The following ADGRV1 variants were observed in gnomAD, a reference collection of about 807,000 sequenced individuals.
ADGRV1 encodes G-protein coupled receptor 98.
ADGRV1 carries 359 observed loss-of-function variants against 596.2 expected under a neutral mutation model. That is an observed-to-expected ratio of 0.60 (90% CI 0.55 to 0.66). ADGRV1 has a LOEUF of 0.66. ADGRV1 is among the 30% of genes least tolerant of loss of function. The probability of loss-of-function intolerance (pLI) is 0.00; values close to 1 mark genes in which losing one functional copy is unlikely to be tolerated. For missense variants in ADGRV1, 7,274 were observed against 7,575.6 expected, an observed-to-expected ratio of 0.96 and a Z score of 1.48; for synonymous variants, 2,681 against 2,679.2, an observed-to-expected ratio of 1.00 and a Z score of -0.02.
chr5:90,985,456 T>C lies in ADGRV1; in HGVS notation c.18086T>C (p.Ile6029Thr). 1 of 1,613,824 alleles carries C rather than the reference T, an allele frequency of 6.2e-7. No individual in the cohort carries two copies. Among genetic ancestry groups the C allele is most frequent in the Non-Finnish European group, 8.5e-7 (1 of 1,179,764 alleles). ...GLPAFVVILL[I>T]VILKGIYHQS... ...CCAGCTTTTGTGGTGATTCTCCTCATAGTTATTTTGAAAGGAATCTATCAT... is the reference window on the plus strand; with the variant it reads ...CCAGCTTTTGTGGTGATTCTCCTCACAGTTATTTTGAAAGGAATCTATCAT... Residue 6029 changes from isoleucine (I) to threonine (T), a missense_variant, in exon 85 of 90, where the codon ATA (isoleucine) becomes ACA (threonine). Ile to Thr is a moderately conservative substitution (Grantham distance 89). Transcript: ENST00000405460.
At chr5:90,565,160 G>A (rs1236390490) in intron 1 of ADGRV1, among the ~76,000 whole-genome samples, 1 of 151,968 alleles carries the variant, frequency 6.6e-6, no homozygotes, top group African/African-American at 2.4e-5. Context: ...TCGTTTGAAC[G>A]CGGGAGACAG....
rs368860179 is a variant in ADGRV1, at chr5:90,829,148, G to A, written c.16573G>A (p.Gly5525Arg). Residue 5525 changes from glycine to arginine, a missense_variant, in exon 77 of 90, where the codon GGG becomes AGG. By Grantham distance (125) the Gly-to-Arg change is moderately radical. Coordinates refer to ENST00000405460, the MANE Select transcript of ADGRV1 (RefSeq NM_032119.4). ...LISLQVARDS[G>R]TGLMMSVNFS... ...CAGTCTGCAGGTGGCCAGAGATTCT[G>A]GGACAGGACTAATGATGTCTGTTAA... 1.0e-5 allele frequency: 16 copies of A among 1,598,248 alleles called. No homozygotes were observed. In the African/African-American group the frequency reaches 2.1e-4, roughly 21 times the overall value.
chr5:91,110,637 A>G (rs1381756087), intron 87 of ADGRV1, among the ~76,000 whole-genome samples: 7 of 152,304 alleles, frequency 4.6e-5, no homozygotes. Flanking sequence ...TCTCACATGT[A>G]GAGAGAATCC....
intron 83 of ADGRV1, among the ~76,000 whole-genome samples, chr5:90,885,039 C>A (rs977459540): frequency 2.6e-5 from 4 of 152,076 alleles, no homozygotes; most frequent in Non-Finnish European, 5.9e-5. Flanking sequence ...TTCCCATGGA[C>A]CATGCAGCCC....
chr5:90,809,418 T>C (rs993851941), intron 73 of ADGRV1, among the ~76,000 whole-genome samples: 2 of 151,986 alleles, frequency 1.3e-5, no homozygotes, highest in Non-Finnish European at 2.9e-5. Flanking sequence ...ATAGATAGAT[T>C]ATGCGATAAA....
intron 84 of ADGRV1, among the ~76,000 whole-genome samples, chr5:90,976,387 A>G (rs934796480): frequency 2.3e-4 from 34 of 146,462 alleles, no homozygotes; most frequent in African/African-American, 8.5e-4. Flanking sequence ...TTTACCATGC[A>G]TGGGTATACC....
At chr5:91,140,861 A>T (rs1341704979) in intron 87 of ADGRV1, among the ~76,000 whole-genome samples, 1 of 152,242 alleles carries the variant, frequency 6.6e-6, no homozygotes, top group Non-Finnish European at 1.5e-5. Context: ...TAACAGAATC[A>T]TGAAGAACAC....
intron 85 of ADGRV1, among the ~76,000 whole-genome samples, chr5:91,047,409 G>A (rs1785928771): frequency 6.6e-6 from 1 of 152,140 alleles, no homozygotes; most frequent in Admixed American, 6.5e-5. Flanking sequence ...AAGCTGAGGA[G>A]CAACGAAGCC....
chr5:90,790,806 A>G, intron 69 of ADGRV1, 67 bp from the exon 70 acceptor site: 1 of 1,046,036 alleles, frequency 9.6e-7, no homozygotes, highest in Non-Finnish European at 1.4e-6. Context: ...GAAAAACATA[A>G]TTTAAGGGAA....
chr5:90,624,058 A>G (rs1764427990), intron 5 of ADGRV1, among the ~76,000 whole-genome samples: 1 of 152,226 alleles, frequency 6.6e-6, no homozygotes, highest in Admixed American at 6.5e-5. Context: ...ATATCAATAA[A>G]ATGGAAGCAT....
In ADGRV1 at chr5:90,690,790, C is replaced by T; in HGVS notation, c.6707-7C>T. On this transcript the variant is annotated splice_polypyrimidine_tract_variant and splice_region_variant and intron_variant, in intron 30 of 89. Coordinates refer to ENST00000405460, the MANE Select transcript of ADGRV1 (RefSeq NM_032119.4). ...TTGAAATGAACTCTGCTCTGTCTACCCTTCAGGTTTTCAGATTACTAAACT... is the reference window on the plus strand; with the variant it reads ...TTGAAATGAACTCTGCTCTGTCTACTCTTCAGGTTTTCAGATTACTAAACT... 2 of 1,588,810 alleles carry T rather than the reference C, an allele frequency of 1.3e-6. No homozygotes were observed. The highest frequency in any genetic ancestry group is 1.8e-5 in the Admixed American group (1 of 55,890).
At chr5:90,596,270 A>T (rs1205266219) in intron 1 of ADGRV1, among the ~76,000 whole-genome samples, 1 of 133,296 alleles carries the variant, frequency 7.5e-6, no homozygotes, top group Non-Finnish European at 1.6e-5. Context: ...CCCAGATAGG[A>T]TGGCCGCCGG....
At chr5:90,945,245 T>A (rs1776472894) in intron 83 of ADGRV1, among the ~76,000 whole-genome samples, 1 of 152,160 alleles carries the variant, frequency 6.6e-6, no homozygotes. Context: ...AACAGATTTT[T>A]TTTTTTTGTT....
chr5:90,743,342 G>C (rs1754199856), intron 50 of ADGRV1, among the ~76,000 whole-genome samples: 1 of 152,156 alleles, frequency 6.6e-6, no homozygotes, highest in East Asian at 1.9e-4. Context: ...AGCACGAACA[G>C]TGGTTCTTGA....
rs777661211 is a variant in ADGRV1, at chr5:90,778,448, G to T, written c.12688G>T (p.Glu4230Ter). 6.2e-7 allele frequency: 1 copy of T among 1,612,486 alleles called. No individual in the cohort carries two copies. Among genetic ancestry groups the T allele is most frequent in the Non-Finnish European group, 8.5e-7 (1 of 1,179,258 alleles). The change falls in exon 63 of 90, where the codon GAG becomes TAG. Residue 4230 changes from glutamate (E) to a stop codon, truncating the protein, a stop_gained. Coordinates refer to ENST00000405460, the MANE Select transcript of ADGRV1 (RefSeq NM_032119.4). LOFTEE classifies it high-confidence loss of function. ...CTAGGCTTTGAACGATGACATTCCCGAGGAAAAAAGCTTCTATGAGTTTCA... is the reference window on the plus strand; with the variant it reads ...CTAGGCTTTGAACGATGACATTCCCTAGGAAAAAAGCTTCTATGAGTTTCA... ...VIQALNDDIP[E>*]EKSFYEFQLT...
At chr5:90,640,226 C>T (rs1766788479) in intron 11 of ADGRV1, among the ~76,000 whole-genome samples, 1 of 152,082 alleles carries the variant, frequency 6.6e-6, no homozygotes, top group Admixed American at 6.5e-5. Context: ...ATGAAATACA[C>T]TGTGGATTTG....
chr5:90,643,689 G>A, intron 13 of ADGRV1, 114 bp from the exon 14 acceptor site: 1 of 715,106 alleles, frequency 1.4e-6, no homozygotes, highest in Non-Finnish European at 2.2e-6. Context: ...TCCTTTCAGT[G>A]AGTTATATGC....
intron 86 of ADGRV1, among the ~76,000 whole-genome samples, chr5:91,101,645 G>A (rs1791384801): frequency 6.6e-6 from 1 of 152,172 alleles, no homozygotes; most frequent in Admixed American, 6.5e-5. Context: ...AACTGCATTA[G>A]AACATGTGTA....
rs1242541660 is a variant in ADGRV1 at position 90,802,885 on chromosome 5, A to G, written c.14661+3A>G. 1.2e-6 allele frequency: 2 copies of G among 1,600,010 alleles called. No homozygotes were observed. Reference sequence around the variant, plus strand: ...CTGAGAAAGCTGCCAATTCTCAGGTAATTGGCCCTGTGTGTGGTTCTCTCA... The same window carrying G: ...CTGAGAAAGCTGCCAATTCTCAGGTGATTGGCCCTGTGTGTGGTTCTCTCA... On this transcript the variant is annotated splice_donor_region_variant and intron_variant, in intron 71 of 89. Transcript: ENST00000405460.
Sources: allele counts gnomAD v4.1 joint callset (sites outside exome capture counted in the v4.1 genomes callset), GRCh38; gene constraint gnomAD v4.1.1; transcripts MANE v1.5; gene names NCBI Gene and HGNC (gene_info 2026-07-23, HGNC 2026-07-21).